Variants in MPDZ observed in about 807,000 individuals in gnomAD.
MPDZ encodes the protein multiple PDZ domain crumbs cell polarity complex component.
MPDZ carries 234 observed loss-of-function variants against 239.1 expected under a neutral mutation model. The ratio of observed to expected loss-of-function variants is 0.98; its 90% CI spans 0.88 to 1.09. The LOEUF is 1.09. MPDZ is among the 50% of genes least tolerant of loss of function. The probability of loss-of-function intolerance (pLI) is 0.00; values close to 1 mark genes in which losing one functional copy is unlikely to be tolerated. For synonymous variants in MPDZ, 1,048 were observed against 881.3 expected, an observed-to-expected ratio of 1.19 and a Z score of -3.35; for missense variants, 3,175 against 2,510.0, an observed-to-expected ratio of 1.26 and a Z score of -5.66.
At position 13,168,406 on chromosome 9, in the gene MPDZ, C is replaced by T; in HGVS notation, c.3214G>A (p.Ala1072Thr). ...TISVTNAQAR[A>T]MLRRHSLIGP... The stretch of plus-strand genomic sequence containing the variant: ...ATGAGAGAATGTCTTCTCAACATAG[C>T]TCGTGCCTGGGCATTGGTTACACTG... Residue 1072 changes from alanine (A) to threonine (T), a missense_variant, in exon 22 of 47, where the codon GCT becomes ACT. Coordinates refer to ENST00000319217, the MANE Select transcript of MPDZ (RefSeq NM_001378778.1). The T allele has an allele frequency of 6.2e-7, 1 of 1,613,486 alleles. No individual in the cohort carries two copies.
chr9:13,216,627 AAAGGGTAATTGT>A, intron 10 of MPDZ, 135 bp downstream of exon 10: 1 of 533,440 alleles, frequency 1.9e-6, no homozygotes. Context: ...AAAATAATAG[AAAGGGTAATTGT>A]AATAATAGCC....
intron 26 of MPDZ, among the ~76,000 whole-genome samples, chr9:13,146,930 G>A (rs1158084554): frequency 1.3e-5 from 2 of 151,888 alleles, no homozygotes; most frequent in Non-Finnish European, 2.9e-5. Context: ...TTTTACCTGT[G>A]GTGACTGATG....
Position 13,119,667 on chromosome 9 carries a change from T to C in MPDZ, c.5232-18A>G. On this transcript the variant is annotated intron_variant, in intron 38 of 46. Coordinates refer to ENST00000319217, the MANE Select transcript of MPDZ (RefSeq NM_001378778.1). ...TATCGTTTCTACACACAATTTTGAA[T>C]TTCAACATTATCTTTTGCTCAACTG... 1 of 1,613,876 alleles carries C rather than the reference T, an allele frequency of 6.2e-7. No individual in the cohort carries two copies. Among genetic ancestry groups the C allele is most frequent in the South Asian group, 1.1e-5 (1 of 91,080 alleles).
At chr9:13,109,599 T>C (rs921143248) in intron 45 of MPDZ, among the ~76,000 whole-genome samples, 1 of 152,188 alleles carries the variant, frequency 6.6e-6, no homozygotes. Flanking sequence ...ATTAGATGAA[T>C]AGGCAGTGCG....
chr9:13,142,090 T>C (rs1394608544), intron 27 of MPDZ, among the ~76,000 whole-genome samples: 1 of 152,248 alleles, frequency 6.6e-6, no homozygotes, highest in South Asian at 2.1e-4. Flanking sequence ...TCTGTAAAAT[T>C]TTATCAAGCA....
At position 13,112,070 on chromosome 9, in the gene MPDZ, G is replaced by A. The variant is rs567379420; in HGVS notation, c.5678C>T (p.Ala1893Val). Reference protein sequence around the residue: ...SPLGDVPIFIAMMHPTGVAAQ... With the variant: ...SPLGDVPIFIVMMHPTGVAAQ... Reference sequence around the variant, plus strand: ...TGCAACTCCAGTTGGGTGCATCATTGCAATAAATATAGGCACATCACCAAG... The same window carrying A: ...TGCAACTCCAGTTGGGTGCATCATTACAATAAATATAGGCACATCACCAAG... Residue 1893 changes from alanine (A) to valine (V), a missense_variant, in exon 43 of 47, where the codon GCA (alanine) becomes GTA (valine). Ala to Val is a moderately conservative substitution (Grantham distance 64). Transcript: ENST00000319217. The A allele has an allele frequency of 9.3e-6, 15 of 1,613,600 alleles. No individual in the cohort carries two copies. In the East Asian group the frequency reaches 3.3e-4, roughly 36 times the overall value.
rs143622704 is a variant in MPDZ, at chr9:13,161,593, A to C, written c.3359+1098T>G. 2.1e-3 allele frequency among the ~76,000 whole-genome samples: 320 copies of C among 152,132 alleles called. 3 individuals are homozygous for C. Among genetic ancestry groups the C allele is most frequent in the African/African-American group, 7.0e-3 (291 of 41,538 alleles). Reference sequence around the variant, plus strand: ...CGTCTCAAAAAAAAAAGAATTGTAGAACTCTCTTCTGAGAAGACCTCAGAG... The same window carrying C: ...CGTCTCAAAAAAAAAAGAATTGTAGCACTCTCTTCTGAGAAGACCTCAGAG... On this transcript the variant is annotated intron_variant, in intron 23 of 46. Transcript: ENST00000319217.
chr9:13,243,298 T>C (rs919633568), intron 3 of MPDZ, among the ~76,000 whole-genome samples: 13 of 152,026 alleles, frequency 8.6e-5, no homozygotes, highest in African/African-American at 3.1e-4. Context: ...AACCCACCCA[T>C]TGCCAAGGGA....
chr9:13,147,574 C>T lies in MPDZ; in HGVS notation c.3715G>A (p.Val1239Ile). 6.2e-7 allele frequency: 1 copy of T among 1,612,224 alleles called. No individual in the cohort carries two copies. Among genetic ancestry groups the T allele is most frequent in the Non-Finnish European group, 8.5e-7 (1 of 1,178,690 alleles). The change falls in exon 26 of 47, where the codon GTA (valine) becomes ATA (isoleucine). Residue 1239 changes from valine (V) to isoleucine (I), a missense_variant. By Grantham distance (29) the Val-to-Ile change is conservative. Coordinates refer to ENST00000319217, the MANE Select transcript of MPDZ (RefSeq NM_001378778.1). The stretch of plus-strand genomic sequence containing the variant: ...CTTGGTCTGTTTATAATGCTCTGTA[C>T]CATAAAGACTACAGGGTTGCCTGCT... ...RKAGNPVVFM[V>I]QSIINRPRKS...
At position 13,198,737 on chromosome 9, in the gene MPDZ, C is replaced by CTCTCTCTGTGTGTGTGTGTG. The variant is rs755487892; in HGVS notation, c.1547-2508_1547-2507insCACACACACACACAGAGAGA. ...ATATTTAGGTCTTTAATCTCTCTCT[C>CTCTCTCTGTGTGTGTGTGTG]TGTGTGTGTGTGTGTGTGTGTGTGT... On this transcript the variant is annotated intron_variant, in intron 12 of 46. Transcript: ENST00000319217. Among the ~76,000 whole-genome samples, 412 of 69,696 alleles carry CTCTCTCTGTGTGTGTGTGTG rather than the reference C, an allele frequency of 5.9e-3. 7 individuals carry two copies. Among genetic ancestry groups the CTCTCTCTGTGTGTGTGTGTG allele is most frequent in the Non-Finnish European group, 8.7e-3 (300 of 34,460 alleles). The allele number at this position is 69,696 out of a possible 152,430, so 45.7% of individuals were successfully genotyped here.
chr9:13,169,055 T>A (rs1369724285), intron 21 of MPDZ, among the ~76,000 whole-genome samples: 1 of 152,192 alleles, frequency 6.6e-6, no homozygotes, highest in Non-Finnish European at 1.5e-5. Flanking sequence ...AAGTACTATG[T>A]TGGTTGCTTA....
rs147927428 is a variant in MPDZ, at chr9:13,272,334, A to G, written c.-58+7066T>C. Among the ~76,000 whole-genome samples the G allele has an allele frequency of 9.7e-3, 1,475 of 152,070 alleles. 28 individuals carry two copies. The highest frequency in any genetic ancestry group is 0.033 in the African/African-American group (1,365 of 41,462). On this transcript the variant is annotated intron_variant, in intron 1 of 46. Coordinates refer to ENST00000319217, the MANE Select transcript of MPDZ (RefSeq NM_001378778.1). ...CCAGGCCCCAGGGCTATTTCTTCTC[A>G]TTTTCCTCCCTCAGCCAAAGAGCTA... is the stretch of plus-strand genomic sequence containing the variant.
chr9:13,170,883 C>T (rs1418164547), intron 21 of MPDZ, among the ~76,000 whole-genome samples: 2 of 152,180 alleles, frequency 1.3e-5, no homozygotes, highest in African/African-American at 2.4e-5. Context: ...GGTGCAATAA[C>T]TTGGAGGTAA....
intron 3 of MPDZ, among the ~76,000 whole-genome samples, chr9:13,230,611 T>G (rs1962112510): frequency 6.6e-6 from 1 of 152,106 alleles, no homozygotes; most frequent in Admixed American, 6.6e-5. Flanking sequence ...TGCCAGGGGT[T>G]ACAAATGTAA....
intron 32 of MPDZ, among the ~76,000 whole-genome samples, chr9:13,133,391 G>A (rs757405540): frequency 2.6e-5 from 4 of 152,102 alleles, no homozygotes; most frequent in Admixed American, 6.6e-5. Context: ...GGCAATCATC[G>A]GAGCCGAAAG....
intron 1 of MPDZ, among the ~76,000 whole-genome samples, chr9:13,278,745 G>A (rs907673328): frequency 1.3e-5 from 2 of 152,074 alleles, no homozygotes; most frequent in African/African-American, 4.8e-5. Context: ...GGTGAGGGAC[G>A]GGGCACCGGT....
At chr9:13,198,737 C>CTCTCTGTGTG (rs755487892) in intron 12 of MPDZ, among the ~76,000 whole-genome samples, 1,418 of 69,552 alleles carry the variant, frequency 0.02, 35 homozygotes, top group African/African-American at 0.029. Context: ...ATCTCTCTCT[C>CTCTCTGTGTG]TGTGTGTGTG....
Position 13,205,018 on chromosome 9 carries a change from C to A in MPDZ, c.1546+18G>T. On this transcript the variant is annotated intron_variant, in intron 12 of 46. Transcript: ENST00000319217. ...GAAAAATAATGAAGTACACAATAAG[C>A]TGGCGCTAGGTGTTTACCTTCTTCT... 2.1e-6 allele frequency: 3 copies of A among 1,405,266 alleles called. No homozygotes were observed. Among genetic ancestry groups the A allele is most frequent in the Non-Finnish European group, 2.8e-6 (3 of 1,069,500 alleles). 87.0% of individuals were successfully genotyped at this position (1,405,266 alleles called of 1,614,324 possible). A position where few individuals can be genotyped will look rare whatever the true frequency, so the allele number is the denominator to read the frequency against.
In MPDZ at chr9:13,247,693, C is replaced by A; in HGVS notation, c.125G>T (p.Ser42Ile). ...KLSLLKSVLQ[S>I]PLFSQILSLQ... ...GCTCAGAATCTGACTGAAGAGAGGG[C>A]TCTGCAGGACTGACTTCAGAAGGCT... Residue 42 changes from serine (S) to isoleucine (I), a missense_variant, in exon 3 of 47, where the codon AGC (serine) becomes ATC (isoleucine). Coordinates refer to ENST00000319217, the MANE Select transcript of MPDZ (RefSeq NM_001378778.1). 1.2e-6 allele frequency: 2 copies of A among 1,613,488 alleles called. No individual in the cohort carries two copies. Among genetic ancestry groups the A allele is most frequent in the Non-Finnish European group, 1.7e-6 (2 of 1,179,580 alleles).
Sources: allele counts gnomAD v4.1 joint callset (sites outside exome capture counted in the v4.1 genomes callset), GRCh38; gene constraint gnomAD v4.1.1; transcripts MANE v1.5; gene names NCBI Gene and HGNC (gene_info 2026-07-23, HGNC 2026-07-21).